The following NELL1 variants were observed in gnomAD, a reference collection of about 807,000 sequenced individuals.
The protein encoded by NELL1 is neural EGFL like 1, also known as protein kinase C-binding protein NELL1.
Under a neutral mutation model 107.4 loss-of-function variants are expected in NELL1, and 76 were observed. The ratio of observed to expected loss-of-function variants is 0.71; its 90% CI spans 0.59 to 0.86. The LOEUF is 0.86. Ranked by LOEUF, NELL1 falls within the 40% of genes least tolerant of loss-of-function variation. The pLI is 0.00. For synonymous variants in NELL1, 353 were observed against 341.2 expected, an observed-to-expected ratio of 1.03 and a Z score of -0.38; for missense variants, 1,024 against 1,005.5, an observed-to-expected ratio of 1.02 and a Z score of -0.25.
chr11:20,754,026 G>T (rs1460899287), intron 2 of NELL1, among the ~76,000 whole-genome samples: 1 of 152,204 alleles, frequency 6.6e-6, no homozygotes, highest in Non-Finnish European at 1.5e-5. Context: ...GGACGGTGTT[G>T]ATGGACCAGA....
intron 5 of NELL1, among the ~76,000 whole-genome samples, chr11:20,904,212 TAAA>T (rs1348337197): frequency 2.7e-5 from 4 of 145,620 alleles, no homozygotes; most frequent in Admixed American, 1.4e-4. Context: ...GTATAATAAA[TAAA>T]TAAAAAAAAA....
chr11:21,561,829 A>G (rs1856856971), intron 17 of NELL1, among the ~76,000 whole-genome samples: 1 of 152,086 alleles, frequency 6.6e-6, no homozygotes, highest in South Asian at 2.1e-4. Context: ...GTTATTAAGT[A>G]TAATATTTAA....
chr11:21,551,355 T>C (rs1264495032), intron 16 of NELL1, among the ~76,000 whole-genome samples: 1 of 151,970 alleles, frequency 6.6e-6, no homozygotes, highest in Non-Finnish European at 1.5e-5. Context: ...CCTAATTGCC[T>C]TGGCCAGAAT....
rs535212609 is a variant in NELL1 at position 20,890,613 on chromosome 11, A to G, written c.603+5073A>G. ...CAATGCAAGGAAGCTAAGAACCTTG[A>G]TAAGAGGTTAAAGGAATTGCTAACC... is the stretch of plus-strand genomic sequence containing the variant. On this transcript the variant is annotated intron_variant, in intron 5 of 19. Transcript: ENST00000357134. Among the ~76,000 whole-genome samples the G allele has an allele frequency of 3.9e-5, 6 of 152,240 alleles. No homozygotes were observed. The South Asian group carries it at 1.0e-3, about 26-fold the overall frequency.
At chr11:20,696,626 A>T (rs776031535) in intron 2 of NELL1, among the ~76,000 whole-genome samples, 1 of 151,698 alleles carries the variant, frequency 6.6e-6, no homozygotes, top group South Asian at 2.1e-4. Flanking sequence ...TAAGGAGTGG[A>T]CTTATGTTTT....
At chr11:21,424,846 T>C (rs1243325076) in intron 15 of NELL1, among the ~76,000 whole-genome samples, 4 of 152,114 alleles carry the variant, frequency 2.6e-5, no homozygotes, top group African/African-American at 9.7e-5. Flanking sequence ...GCTTCTCTGA[T>C]GAATTCTACC....
chr11:21,424,729 G>T (rs573708403), intron 15 of NELL1, among the ~76,000 whole-genome samples: 6 of 152,110 alleles, frequency 3.9e-5, no homozygotes, highest in African/African-American at 1.4e-4. Flanking sequence ...CACAAAACTT[G>T]CAAAGACTAA....
Position 20,869,071 on chromosome 11 carries a change from G to A in NELL1, c.507-16373G>A, listed in dbSNP as rs559421271. ...AGCAAAAGAGTATATGAAACTTTTGGGAATTGCAAATAATTAGCAATTCAG... is the reference window on the plus strand; with the variant it reads ...AGCAAAAGAGTATATGAAACTTTTGAGAATTGCAAATAATTAGCAATTCAG... On this transcript the variant is annotated intron_variant, in intron 4 of 19. Coordinates refer to ENST00000357134, the MANE Select transcript of NELL1 (RefSeq NM_006157.5). 2.0e-5 allele frequency among the ~76,000 whole-genome samples: 3 copies of A among 152,194 alleles called. No homozygotes were observed. In the East Asian group the frequency reaches 5.8e-4, roughly 29 times the overall value.
intron 15 of NELL1, among the ~76,000 whole-genome samples, chr11:21,529,091 A>C (rs933782977): frequency 6.6e-6 from 1 of 152,070 alleles, no homozygotes; most frequent in African/African-American, 2.4e-5. Context: ...TATATTTCTT[A>C]CTCACCTAAA....
chr11:21,026,318 T>C (rs1379084050), intron 12 of NELL1, among the ~76,000 whole-genome samples: 1 of 152,164 alleles, frequency 6.6e-6, no homozygotes, highest in Non-Finnish European at 1.5e-5. Flanking sequence ...GCCTCCATGC[T>C]GGCCTCTGTG....
At chr11:21,525,156 G>T (rs906401914) in intron 15 of NELL1, among the ~76,000 whole-genome samples, 4 of 152,128 alleles carry the variant, frequency 2.6e-5, no homozygotes, top group Non-Finnish European at 5.9e-5. Context: ...ATACAGAAAG[G>T]CTTCAGAGAT....
intron 14 of NELL1, among the ~76,000 whole-genome samples, chr11:21,266,451 A>G (rs1848638178): frequency 6.6e-6 from 1 of 152,050 alleles, no homozygotes; most frequent in Non-Finnish European, 1.5e-5. Context: ...GCTTTTAACC[A>G]GTAATCTACG....
At chr11:21,372,015 A>G (rs188799401) in intron 15 of NELL1, among the ~76,000 whole-genome samples, 2 of 152,194 alleles carry the variant, frequency 1.3e-5, no homozygotes, top group Admixed American at 1.3e-4. Flanking sequence ...GGTAACTAAA[A>G]TTGTTCAGTA....
At chr11:21,065,296 A>G (rs560852620) in intron 12 of NELL1, among the ~76,000 whole-genome samples, 7 of 152,248 alleles carry the variant, frequency 4.6e-5, no homozygotes, top group Non-Finnish European at 7.4e-5. Context: ...AGTGTTTACC[A>G]TGTCCTAGGG....
intron 12 of NELL1, among the ~76,000 whole-genome samples, chr11:21,010,871 C>A (rs564620356): frequency 5.3e-4 from 81 of 152,204 alleles, no homozygotes; most frequent in African/African-American, 1.9e-3. Flanking sequence ...AAGTACTGTT[C>A]TACCTTGGGC....
chr11:21,408,705 C>T (rs1322833179), intron 15 of NELL1, among the ~76,000 whole-genome samples: 1 of 151,928 alleles, frequency 6.6e-6, no homozygotes, highest in Admixed American at 6.6e-5. Context: ...GCTTTTGTTG[C>T]CATTGCTTTT....
At chr11:21,220,721 T>C (rs1335564668) in intron 13 of NELL1, among the ~76,000 whole-genome samples, 1 of 152,196 alleles carries the variant, frequency 6.6e-6, no homozygotes. Flanking sequence ...TAATTTTGTA[T>C]CCTGCAACTT....
At chr11:21,458,449 A>G (rs1280889777) in intron 15 of NELL1, among the ~76,000 whole-genome samples, 1 of 152,202 alleles carries the variant, frequency 6.6e-6, no homozygotes, top group Non-Finnish European at 1.5e-5. Context: ...ATAATAAGGA[A>G]AAAAGGAAAC....
chr11:21,070,012 G>C (rs1034170930), intron 12 of NELL1, among the ~76,000 whole-genome samples: 2 of 152,160 alleles, frequency 1.3e-5, no homozygotes, highest in African/African-American at 2.4e-5. Context: ...TAATGATGCT[G>C]TCAGGAACCA....
Sources: allele counts gnomAD v4.1 joint callset (sites outside exome capture counted in the v4.1 genomes callset), GRCh38; gene constraint gnomAD v4.1.1; transcripts MANE v1.5; gene names NCBI Gene and HGNC (gene_info 2026-07-23, HGNC 2026-07-21).